HLA-B: variants seen among roughly 807,000 people sequenced by gnomAD.
HLA-B encodes major histocompatibility complex, class I, B.
Under a neutral mutation model 41.5 loss-of-function variants are expected in HLA-B, and 31 were observed. That is an observed-to-expected ratio of 0.75 (90% CI 0.56 to 1.01). The LOEUF is 1.01. Among genes scored for constraint, HLA-B ranks in the 50% least tolerant of loss-of-function variants. The probability of loss-of-function intolerance (pLI) is 0.00; values close to 1 mark genes in which losing one functional copy is unlikely to be tolerated. For synonymous variants in HLA-B, 138 were observed against 189.0 expected (o/e 0.73, Z 2.21); for missense variants, 369 against 457.2 (o/e 0.81, Z 1.76).
At position 31,353,979 on chromosome 6, in the gene HLA-B, ATTCAGATTCTTATT is replaced by A. The variant is rs1433175024; in HGVS notation, c.*308_*321del. The A allele has an allele frequency of 5.6e-6, 2 of 358,266 alleles. No individual in the cohort carries two copies. Among genetic ancestry groups the A allele is most frequent in the Non-Finnish European group, 1.1e-5 (2 of 190,084 alleles). 22.2% of individuals were successfully genotyped at this position (358,266 alleles called of 1,614,324 possible). Reference sequence around the variant, plus strand: ...CAAATATTTGAGAAAACAAATTTATATTCAGATTCTTATTTTCAGTAGGGAAGTAAGAAGTTGCA... The same window carrying A: ...CAAATATTTGAGAAAACAAATTTATATTCAGTAGGGAAGTAAGAAGTTGCA... On this transcript the variant is annotated 3_prime_UTR_variant, in exon 8 of 8. Transcript: ENST00000412585.
Position 31,355,348 on chromosome 6 carries a change from C to T in HLA-B, c.864G>A (p.Glu288=), listed in dbSNP as rs41559614. 3.8e-5 allele frequency: 61 copies of T among 1,585,064 alleles called. 1 individual carries two copies. Among genetic ancestry groups the T allele is most frequent in the Admixed American group, 5.3e-5 (3 of 56,318 alleles). ...TCAGGGTGAGGGGCTTCGGCAGCCC[C>T]TCATGCTGTACATGGCATGTGTATC... ...EQRYTCHVQH[E]GLPKPLTLRW... Residue 288 remains glutamate (E), a synonymous_variant, in exon 4 of 8, where the codon GAG becomes GAA. Coordinates refer to ENST00000412585, the MANE Select transcript of HLA-B (RefSeq NM_005514.8).
In HLA-B at chr6:31,356,654, G is replaced by T. The variant is rs750298917; in HGVS notation, c.343+34C>A. ...CCGGGCCGTACGTGGGGGATGGGGA[G>T]TCGTGACCTGCGCCCCGGGCCGGGG... On this transcript the variant is annotated intron_variant, in intron 2 of 7. Coordinates refer to ENST00000412585, the MANE Select transcript of HLA-B (RefSeq NM_005514.8). 2.4e-5 allele frequency: 35 copies of T among 1,469,892 alleles called. 3 individuals carry two copies. Among genetic ancestry groups the T allele is most frequent in the Non-Finnish European group, 3.7e-6 (4 of 1,095,634 alleles). 91.1% of individuals were successfully genotyped at this position (1,469,892 alleles called of 1,614,324 possible).
rs61759948 is a variant in HLA-B at position 31,356,307 on chromosome 6, G to C, written c.479C>G (p.Ala160Gly). The change falls in exon 3 of 8, where the codon GCG becomes GGG. Residue 160 changes from alanine (A) to glycine (G), a missense_variant. Physicochemically the swap from Ala to Gly is moderately conservative, Grantham distance 60 (BLOSUM62 0). Around this residue, in one of 6 missense-constraint regions of HLA-B, gnomAD observed 76 missense variants for 62.4 expected, o/e 1.22. Coordinates refer to ENST00000412585, the MANE Select transcript of HLA-B (RefSeq NM_005514.8). ...LNEDLRSWTA[A>G]DTAAQITQRK... ...CTGGGTGATCTGAGCCGCCGTGTCC[G>C]CGGCGGTCCAGGAGCGCAGGTCCTC... The C allele has an allele frequency of 1.5e-6, 2 of 1,354,094 alleles. 1 individual carries two copies. The highest frequency in any genetic ancestry group is 1.9e-6 in the Non-Finnish European group (2 of 1,032,574). The allele number at this position is 1,354,094 out of a possible 1,614,324, so 83.9% of individuals were successfully genotyped here. A position where few individuals can be genotyped will look rare whatever the true frequency, so the allele number is the denominator to read the frequency against.
In HLA-B at chr6:31,355,341, G is replaced by T. The variant is rs766434800; in HGVS notation, c.871C>A (p.Pro291Thr). 6.3e-7 allele frequency: 1 copy of T among 1,582,768 alleles called. No homozygotes were observed. The highest frequency in any genetic ancestry group is 8.5e-7 in the Non-Finnish European group (1 of 1,171,516). ...YTCHVQHEGL[P>T]KPLTLRWEPS... Reference sequence around the variant, plus strand: ...CCCCATCTCAGGGTGAGGGGCTTCGGCAGCCCCTCATGCTGTACATGGCAT... The same window carrying T: ...CCCCATCTCAGGGTGAGGGGCTTCGTCAGCCCCTCATGCTGTACATGGCAT... The change falls in exon 4 of 8, where the codon CCG becomes ACG. Residue 291 changes from proline (P) to threonine (T), a missense_variant. This residue lies in a region of HLA-B where 23 missense variants were observed against 37.0 expected (regional missense o/e 0.62). Transcript: ENST00000412585.
rs200951553 is a variant in HLA-B, at chr6:31,354,697, G to A, written c.1013-32C>T. On this transcript the variant is annotated intron_variant, in intron 5 of 7. Coordinates refer to ENST00000412585, the MANE Select transcript of HLA-B (RefSeq NM_005514.8). ...GAAGAAAATGTCCTGTGAGGGCACT[G>A]GGAGGAAGCAGGGCCATGAGATCTT... is the stretch of plus-strand genomic sequence containing the variant. The A allele has an allele frequency of 9.8e-4, 1,116 of 1,137,924 alleles. 5 individuals carry two copies. The highest frequency in any genetic ancestry group is 3.9e-3 in the Middle Eastern group (14 of 3,630). 70.5% of individuals were successfully genotyped at this position (1,137,924 alleles called of 1,614,324 possible).
intron 7 of HLA-B, 25 bp downstream of exon 7, chr6:31,354,454 C>T: frequency 1.2e-6 from 1 of 841,708 alleles, no homozygotes. Context: ...GCCACCCCAC[C>T]CACTCTAGAC....
Position 31,357,167 on chromosome 6 carries a change from C to T in HLA-B, c.-9G>A. 1 of 870,470 alleles carries T rather than the reference C, an allele frequency of 1.1e-6. No individual in the cohort carries two copies. The highest frequency in any genetic ancestry group is 1.5e-6 in the Non-Finnish European group (1 of 677,290). The allele number at this position is 870,470 out of a possible 1,614,324, so 53.9% of individuals were successfully genotyped here. A position where few individuals can be genotyped will look rare whatever the true frequency, so the allele number is the denominator to read the frequency against. On this transcript the variant is annotated 5_prime_UTR_variant, in exon 1 of 8. Transcript: ENST00000412585. The stretch of plus-strand genomic sequence containing the variant: ...GGCGCCATGACCAGCATCTCGGCGT[C>T]TGAGGAGACTCTGAGTCCGGGTGGG...
chr6:31,355,881 G>C, intron 3 of HLA-B: 1 of 607,946 alleles, frequency 1.6e-6, no homozygotes, highest in Non-Finnish European at 3.0e-6. Flanking sequence ...CAGAGAACAA[G>C]GCCTGAGAGG....
At chr6:31,355,923 G>C in intron 3 of HLA-B, 1 of 559,626 alleles carries the variant, frequency 1.8e-6, no homozygotes, top group East Asian at 3.8e-5. Flanking sequence ...TGCTGCAGGG[G>C]TCAAAGGGGA....
In HLA-B at chr6:31,355,680, A is replaced by G. The variant is rs189334061; in HGVS notation, c.620-88T>C. On this transcript the variant is annotated intron_variant, in intron 3 of 7. Coordinates refer to ENST00000412585, the MANE Select transcript of HLA-B (RefSeq NM_005514.8). ...CCATGTGACCAGCCTGAGAATGGACAGGACACCTGGGGTGGGGAAGGGGCA... is the reference window on the plus strand; with the variant it reads ...CCATGTGACCAGCCTGAGAATGGACGGGACACCTGGGGTGGGGAAGGGGCA... 5,050 of 1,064,112 alleles carry G rather than the reference A, an allele frequency of 4.7e-3. 47 individuals are homozygous for G. The highest frequency in any genetic ancestry group is 5.6e-3 in the Non-Finnish European group (4,226 of 750,784). 65.9% of individuals were successfully genotyped at this position (1,064,112 alleles called of 1,614,324 possible).
rs571120465 is a variant in HLA-B at position 31,354,276 on chromosome 6, T to C, written c.*25A>G. On this transcript the variant is annotated 3_prime_UTR_variant, in exon 8 of 8. Transcript: ENST00000412585. ...TGAAGAAATCCTGCATCTCAGTCCC[T>C]CACAAGACAGCTGTCTCAGGCTACA... 1.8e-6 allele frequency: 1 copy of C among 568,008 alleles called. No homozygotes were observed. Among genetic ancestry groups the C allele is most frequent in the South Asian group, 1.7e-5 (1 of 60,350 alleles). The allele number at this position is 568,008 out of a possible 1,614,324, so 35.2% of individuals were successfully genotyped here.
At chr6:31,355,703 G>GT in intron 3 of HLA-B, 111 bp from the exon 4 acceptor site, 1 of 941,964 alleles carries the variant, frequency 1.1e-6, no homozygotes, top group Non-Finnish European at 1.6e-6. Flanking sequence ...TGGGGAAGGG[G>GT]CACAGAACCC....
At position 31,356,789 on chromosome 6, in the gene HLA-B, G is replaced by T; in HGVS notation, c.242C>A (p.Pro81Gln). ...PRAPWIEQEG[P>Q]EYWDRNTQIY... is the part of the protein sequence containing the mutation. ...CTGTGTGTTCCGGTCCCAATACTCC[G>T]GCCCCTCCTGCTCTATCCACGGCGC... Residue 81 changes from proline to glutamine, a missense_variant, in exon 2 of 8, where the codon CCG (proline) becomes CAG (glutamine). Pro to Gln is a moderately conservative substitution (Grantham distance 76). Around this residue, in one of 6 missense-constraint regions of HLA-B, gnomAD observed 113 missense variants for 173.2 expected, o/e 0.65. Coordinates refer to ENST00000412585, the MANE Select transcript of HLA-B (RefSeq NM_005514.8). 8.6e-7 allele frequency: 1 copy of T among 1,164,558 alleles called. No individual in the cohort carries two copies. Among genetic ancestry groups the T allele is most frequent in the South Asian group, 1.6e-5 (1 of 61,746 alleles). The allele number at this position is 1,164,558 out of a possible 1,614,324, so 72.1% of individuals were successfully genotyped here.
Position 31,355,240 on chromosome 6 carries a change from A to T in HLA-B, c.896-17T>A. The T allele has an allele frequency of 1.0e-6, 1 of 1,001,676 alleles. No homozygotes were observed. Among genetic ancestry groups the T allele is most frequent in the South Asian group, 2.4e-5 (1 of 41,768 alleles). The allele number at this position is 1,001,676 out of a possible 1,614,324, so 62.0% of individuals were successfully genotyped here. A position where few individuals can be genotyped will look rare whatever the true frequency, so the allele number is the denominator to read the frequency against. ...AAGACGGCTCTGGGAAAGGAGGGGA[A>T]GATGAGGGGCCCTGACCCTGCTGAA... is the stretch of plus-strand genomic sequence containing the variant. On this transcript the variant is annotated splice_polypyrimidine_tract_variant and intron_variant, in intron 4 of 7. Coordinates refer to ENST00000412585, the MANE Select transcript of HLA-B (RefSeq NM_005514.8).
In HLA-B at chr6:31,354,466, C is replaced by A; in HGVS notation, c.*4+13G>T. The A allele has an allele frequency of 1.8e-6, 2 of 1,139,098 alleles. No individual in the cohort carries two copies. The highest frequency in any genetic ancestry group is 2.5e-5 in the Admixed American group (1 of 40,090). The allele number at this position is 1,139,098 out of a possible 1,614,324, so 70.6% of individuals were successfully genotyped here. ...CCCGCCACCCCACCCACTCTAGACCCCAAGAATCTCACCTTTTCAAGCTGT... is the reference window on the plus strand; with the variant it reads ...CCCGCCACCCCACCCACTCTAGACCACAAGAATCTCACCTTTTCAAGCTGT... On this transcript the variant is annotated intron_variant, in intron 7 of 7. Coordinates refer to ENST00000412585, the MANE Select transcript of HLA-B (RefSeq NM_005514.8).
At position 31,355,300 on chromosome 6, in the gene HLA-B, C is replaced by T. The variant is rs756912685; in HGVS notation, c.895+17G>A. 1 of 1,517,482 alleles carries T rather than the reference C, an allele frequency of 6.6e-7. No individual in the cohort carries two copies. The highest frequency in any genetic ancestry group is 1.9e-5 in the Admixed American group (1 of 52,778). 94.0% of individuals were successfully genotyped at this position (1,517,482 alleles called of 1,614,324 possible). The stretch of plus-strand genomic sequence containing the variant: ...CTTTCCCTGAGAAGAGATATGACCC[C>T]TCATCCCCCTCCTTACCCCATCTCA... On this transcript the variant is annotated intron_variant, in intron 4 of 7. Coordinates refer to ENST00000412585, the MANE Select transcript of HLA-B (RefSeq NM_005514.8).
chr6:31,357,171 G>T lies in HLA-B; in HGVS notation c.-13C>A. 1.2e-6 allele frequency: 1 copy of T among 867,568 alleles called. No homozygotes were observed. The highest frequency in any genetic ancestry group is 1.5e-6 in the Non-Finnish European group (1 of 674,594). 53.7% of individuals were successfully genotyped at this position (867,568 alleles called of 1,614,324 possible). On this transcript the variant is annotated 5_prime_UTR_variant, in exon 1 of 8. Coordinates refer to ENST00000412585, the MANE Select transcript of HLA-B (RefSeq NM_005514.8). ...CCATGACCAGCATCTCGGCGTCTGA[G>T]GAGACTCTGAGTCCGGGTGGGTGCG... is the stretch of plus-strand genomic sequence containing the variant.
intron 7 of HLA-B, 50 bp downstream of exon 7, chr6:31,354,429 C>CCCA (rs1410211688): frequency 1.3e-5 from 4 of 312,234 alleles, no homozygotes; most frequent in Non-Finnish European, 1.7e-5. Context: ...CTCTGCCCCA[C>CCCA]CCACCCCCAG....
At chr6:31,354,413 T>G (rs1766693969) in intron 7 of HLA-B, 66 bp downstream of exon 7, 2 of 398,126 alleles carry the variant, frequency 5.0e-6, no homozygotes. Flanking sequence ...TACCCAGGCC[T>G]TTCCCCTCTG....
Sources: allele counts gnomAD v4.1 joint callset, GRCh38; gene constraint gnomAD v4.1.1; regional missense constraint gnomAD v4.1.1; transcripts MANE v1.5; gene names NCBI Gene and HGNC (gene_info 2026-07-23, HGNC 2026-07-21).